DLG1: variants seen among roughly 807,000 people sequenced by gnomAD.
DLG1 encodes the protein disks large homolog 1.
Under a neutral mutation model 123.4 loss-of-function variants are expected in DLG1, and 42 were observed. The ratio of observed to expected loss-of-function variants is 0.34; its 90% CI spans 0.27 to 0.44. The LOEUF (loss-of-function observed/expected upper bound fraction) is 0.44. Ranked by LOEUF, DLG1 falls within the 20% of genes least tolerant of loss-of-function variation. The pLI is 1.00. For synonymous variants in DLG1, 317 were observed against 356.2 expected, an observed-to-expected ratio of 0.89 and a Z score of 1.24; for missense variants, 942 against 1,082.6, an observed-to-expected ratio of 0.87 and a Z score of 1.82.
intron 17 of DLG1, among the ~76,000 whole-genome samples, chr3:197,079,989 T>A (rs1749826486): frequency 6.6e-6 from 1 of 151,876 alleles, no homozygotes; most frequent in Non-Finnish European, 1.5e-5. Flanking sequence ...CTTATAAAAA[T>A]TTTGTTTAGT....
At chr3:197,180,053 T>C (rs1809291922) in intron 5 of DLG1, among the ~76,000 whole-genome samples, 1 of 119,242 alleles carries the variant, frequency 8.4e-6, no homozygotes, top group African/African-American at 3.5e-5. Context: ...ATTTGGCATG[T>C]TGTGTTTTTT....
chr3:197,089,095 G>C (rs1021913477), intron 15 of DLG1, among the ~76,000 whole-genome samples: 1 of 152,192 alleles, frequency 6.6e-6, no homozygotes, highest in South Asian at 2.1e-4. Flanking sequence ...ATATAGAGGC[G>C]AAGGCTTCAT....
At chr3:197,198,935 T>C (rs1002874252) in intron 4 of DLG1, among the ~76,000 whole-genome samples, 1 of 152,208 alleles carries the variant, frequency 6.6e-6, no homozygotes. Context: ...ATGATGCTAA[T>C]GGATATGGAA....
chr3:197,172,111 G>C (rs570531821), intron 5 of DLG1, among the ~76,000 whole-genome samples: 14 of 152,006 alleles, frequency 9.2e-5, no homozygotes, highest in African/African-American at 3.4e-4. Flanking sequence ...TCAACATTTT[G>C]GTTAATGATG....
chr3:197,050,908 T>C (rs1376384037), intron 24 of DLG1, among the ~76,000 whole-genome samples: 1 of 152,202 alleles, frequency 6.6e-6, no homozygotes, highest in East Asian at 1.9e-4. Context: ...TATATACGAA[T>C]TTTGTCAATT....
At chr3:197,066,331 A>G (rs1240731305) in intron 20 of DLG1, among the ~76,000 whole-genome samples, 5 of 152,166 alleles carry the variant, frequency 3.3e-5, no homozygotes, top group African/African-American at 1.2e-4. Flanking sequence ...GGTCATAAAT[A>G]AGAAAGAAGT....
At chr3:197,092,348 C>T (rs552990591) in intron 14 of DLG1, among the ~76,000 whole-genome samples, 27 of 152,224 alleles carry the variant, frequency 1.8e-4, no homozygotes, top group Middle Eastern at 3.4e-3. Flanking sequence ...AATAAAAGTA[C>T]CGGCATAATG....
chr3:197,232,295 T>C (rs1362748433), intron 4 of DLG1, among the ~76,000 whole-genome samples: 14 of 149,168 alleles, frequency 9.4e-5, no homozygotes, highest in Non-Finnish European at 1.5e-5. Flanking sequence ...AGCACAGGAG[T>C]TCTGGCTGCA....
chr3:197,179,788 T>C (rs187826322), intron 5 of DLG1, among the ~76,000 whole-genome samples: 180 of 152,242 alleles, frequency 1.2e-3, no homozygotes, highest in African/African-American at 3.9e-3. Flanking sequence ...AAATCCTCTA[T>C]AACTCAGAAG....
intron 4 of DLG1, among the ~76,000 whole-genome samples, chr3:197,265,791 C>A (rs1309873852): frequency 2.0e-5 from 3 of 152,216 alleles, no homozygotes; most frequent in African/African-American, 2.4e-5. Flanking sequence ...GTGGCTCACA[C>A]CTGTAATCCC....
chr3:197,085,421 A>G (rs1417902449), intron 16 of DLG1, 159 bp downstream of exon 16: 2 of 700,096 alleles, frequency 2.9e-6, no homozygotes, highest in African/African-American at 3.6e-5. Context: ...GATTTCACAT[A>G]AAAATGTGAT....
chr3:197,237,411 T>A (rs1037697554), intron 4 of DLG1, among the ~76,000 whole-genome samples: 1 of 152,104 alleles, frequency 6.6e-6, no homozygotes, highest in Non-Finnish European at 1.5e-5. Context: ...GAGACACCAA[T>A]AGAAGCTCTT....
At chr3:197,121,608 A>G (rs1364928785) in intron 11 of DLG1, among the ~76,000 whole-genome samples, 2 of 152,104 alleles carry the variant, frequency 1.3e-5, no homozygotes, top group African/African-American at 4.8e-5. Flanking sequence ...CCTGAGTATC[A>G]TATTTTGACT....
At chr3:197,056,202 C>T (rs1306537374) in intron 23 of DLG1, among the ~76,000 whole-genome samples, 4 of 152,138 alleles carry the variant, frequency 2.6e-5, no homozygotes, top group Admixed American at 1.3e-4. Context: ...GTGCAGTTGT[C>T]GTCTGGGTGG....
intron 5 of DLG1, among the ~76,000 whole-genome samples, chr3:197,182,022 C>T (rs1263941442): frequency 1.3e-5 from 2 of 152,176 alleles, no homozygotes; most frequent in Non-Finnish European, 2.9e-5. Context: ...ACATGAACTA[C>T]TTTTCCTGTC....
At position 197,170,098 on chromosome 3, in the gene DLG1, T is replaced by C. The variant is rs146603314; in HGVS notation, c.484-20302A>G. Among the ~76,000 whole-genome samples, 182 of 152,330 alleles carry C rather than the reference T, an allele frequency of 1.2e-3. 1 individual carries two copies. The East Asian group carries it at 0.015, about 13-fold the overall frequency. On this transcript the variant is annotated intron_variant, in intron 5 of 24. Transcript: ENST00000667157. ...TCTGCAAAGGACAAGATCTCATTCA[T>C]TTTTATTGTTGCATAGTATTCCGTG... is the stretch of plus-strand genomic sequence containing the variant.
chr3:197,219,262 G>A lies in DLG1; in HGVS notation c.319-24673C>T, dbSNP rs575601773. 1.2e-4 allele frequency among the ~76,000 whole-genome samples: 18 copies of A among 152,272 alleles called. No homozygotes were observed. The South Asian group carries it at 3.7e-3, about 32-fold the overall frequency. On this transcript the variant is annotated intron_variant, in intron 4 of 24. Transcript: ENST00000667157. ...TTTGGTAGTAGCAAATAGGCATAGG[G>A]TGGCCAAATTGAGAAGCAGAGGCTA...
At chr3:197,247,931 T>C (rs1578676793) in intron 4 of DLG1, among the ~76,000 whole-genome samples, 1 of 152,120 alleles carries the variant, frequency 6.6e-6, no homozygotes, top group African/African-American at 2.4e-5. Flanking sequence ...TCACCCTCTA[T>C]GGCCACTTCC....
At chr3:197,077,221 T>TA (rs1296889114) in intron 17 of DLG1, among the ~76,000 whole-genome samples, 1 of 127,364 alleles carries the variant, frequency 7.9e-6, no homozygotes, top group Admixed American at 8.7e-5. Context: ...GCTGAATATT[T>TA]AAAAAACAAA....
Sources: gnomAD v4.1 joint callset for allele counts (sites outside exome capture counted in the v4.1 genomes callset) on GRCh38, gnomAD v4.1.1 for gene constraint, MANE v1.5 for transcripts, NCBI Gene and HGNC (gene_info 2026-07-23, HGNC 2026-07-21) for gene names.